CTNNA3: variants seen among roughly 807,000 people sequenced by gnomAD.
CTNNA3 encodes the protein catenin alpha 3, also known as catenin alpha-3.
CTNNA3 carries 76 observed loss-of-function variants against 95.7 expected under a neutral mutation model. That is an observed-to-expected ratio of 0.79 (90% CI 0.66 to 0.96). The LOEUF (loss-of-function observed/expected upper bound fraction) is 0.96. CTNNA3 is among the 40% of genes least tolerant of loss of function. CTNNA3 has a pLI of 0.00. For synonymous variants in CTNNA3, 431 were observed against 374.4 expected (o/e 1.15, Z -1.74); for missense variants, 1,191 against 1,089.8 (o/e 1.09, Z -1.31).
chr10:65,927,169 G>C (rs1444848967), intron 17 of CTNNA3, among the ~76,000 whole-genome samples: 4 of 151,922 alleles, frequency 2.6e-5, no homozygotes, highest in Non-Finnish European at 5.9e-5. Flanking sequence ...TGTTTTCACT[G>C]ATTTTTTAGT....
intron 7 of CTNNA3, among the ~76,000 whole-genome samples, chr10:67,120,894 C>A (rs1859432257): frequency 6.6e-6 from 1 of 152,004 alleles, no homozygotes; most frequent in African/African-American, 2.4e-5. Flanking sequence ...CAATATTGTA[C>A]CATTAACGTA....
intron 17 of CTNNA3, among the ~76,000 whole-genome samples, chr10:65,954,330 G>T (rs1294174862): frequency 6.6e-6 from 1 of 152,180 alleles, no homozygotes; most frequent in African/African-American, 2.4e-5. Flanking sequence ...CTCCCATTCT[G>T]TAGGTTGCCT....
At chr10:66,080,406 C>A (rs141274905) in intron 14 of CTNNA3, among the ~76,000 whole-genome samples, 118 of 152,094 alleles carry the variant, frequency 7.8e-4, no homozygotes, top group African/African-American at 2.8e-3. Flanking sequence ...TTCAAAATCA[C>A]TTATATATGT....
intron 10 of CTNNA3, among the ~76,000 whole-genome samples, chr10:66,604,095 TA>T (rs1207656455): frequency 2.6e-5 from 4 of 151,734 alleles, no homozygotes; most frequent in African/African-American, 4.8e-5. Context: ...CATATCAAGT[TA>T]AAAAAGCTAC....
At chr10:67,127,131 T>C (rs566646244) in intron 7 of CTNNA3, among the ~76,000 whole-genome samples, 56 of 152,328 alleles carry the variant, frequency 3.7e-4, no homozygotes, top group South Asian at 1.9e-3. Flanking sequence ...TTGATGTATT[T>C]TGTACATTTG....
intron 7 of CTNNA3, among the ~76,000 whole-genome samples, chr10:67,152,501 A>C (rs1240303880): frequency 6.6e-6 from 1 of 152,236 alleles, no homozygotes; most frequent in East Asian, 1.9e-4. Flanking sequence ...TAATGCAATT[A>C]GATGAAATGC....
chr10:66,560,028 C>T (rs779158313), intron 10 of CTNNA3, among the ~76,000 whole-genome samples: 1 of 151,922 alleles, frequency 6.6e-6, no homozygotes, highest in Non-Finnish European at 1.5e-5. Context: ...GGAGAGAGGA[C>T]GGGATTGCAT....
At chr10:66,420,157 T>C (rs2093179452) in intron 11 of CTNNA3, among the ~76,000 whole-genome samples, 2 of 152,156 alleles carry the variant, frequency 1.3e-5, no homozygotes, top group South Asian at 4.1e-4. Context: ...ATCCAGAGTA[T>C]ATAAGATACT....
intron 17 of CTNNA3, 49 bp downstream of exon 17, chr10:65,966,563 T>C: frequency 6.5e-7 from 1 of 1,537,844 alleles, no homozygotes; most frequent in South Asian, 1.3e-5. Flanking sequence ...AGTTACTCTG[T>C]TTCAAGCATC....
intron 1 of CTNNA3, among the ~76,000 whole-genome samples, chr10:67,741,891 G>T (rs1013918007): frequency 4.6e-5 from 7 of 151,052 alleles, no homozygotes; most frequent in African/African-American, 1.5e-4. Context: ...AACCAACAAA[G>T]ATCAAAAAAG....
intron 7 of CTNNA3, among the ~76,000 whole-genome samples, chr10:66,859,361 G>T (rs1413807177): frequency 6.6e-6 from 1 of 151,600 alleles, no homozygotes; most frequent in African/African-American, 2.4e-5. Context: ...CGAAGGACAT[G>T]AACAGACACT....
chr10:66,670,438 G>A (rs1404813259), intron 9 of CTNNA3, among the ~76,000 whole-genome samples: 3 of 152,108 alleles, frequency 2.0e-5, no homozygotes, highest in Non-Finnish European at 4.4e-5. Flanking sequence ...TCCAGGGATG[G>A]TTCTTAACTT....
intron 5 of CTNNA3, among the ~76,000 whole-genome samples, chr10:67,510,591 C>T (rs899919565): frequency 2.0e-5 from 3 of 152,026 alleles, no homozygotes; most frequent in African/African-American, 4.8e-5. Flanking sequence ...CTTTTGGTTA[C>T]TGCAGCCTTG....
chr10:66,070,863 T>A (rs1210884688), intron 14 of CTNNA3, among the ~76,000 whole-genome samples: 1 of 152,088 alleles, frequency 6.6e-6, no homozygotes, highest in Non-Finnish European at 1.5e-5. Flanking sequence ...CTTAATAACA[T>A]CTCAACTCAA....
chr10:66,039,051 A>T (rs2079625218), intron 15 of CTNNA3, among the ~76,000 whole-genome samples: 1 of 152,204 alleles, frequency 6.6e-6, no homozygotes, highest in African/African-American at 2.4e-5. Flanking sequence ...GGAAAGTTTC[A>T]GCATATAAAA....
At chr10:67,685,487 C>T (rs917097957) in intron 1 of CTNNA3, among the ~76,000 whole-genome samples, 4 of 152,230 alleles carry the variant, frequency 2.6e-5, no homozygotes, top group South Asian at 2.1e-4. Context: ...AAGGGAGTTC[C>T]TCCTAGGTCT....
intron 1 of CTNNA3, among the ~76,000 whole-genome samples, chr10:67,702,975 C>A (rs1336037526): frequency 6.6e-6 from 1 of 152,096 alleles, no homozygotes; most frequent in Non-Finnish European, 1.5e-5. Flanking sequence ...ATACAAACTA[C>A]CATCAGAGAA....
intron 7 of CTNNA3, among the ~76,000 whole-genome samples, chr10:66,902,155 A>G (rs1845777358): frequency 1.3e-5 from 2 of 152,214 alleles, no homozygotes; most frequent in Non-Finnish European, 2.9e-5. Context: ...AGCAAATGTA[A>G]AAGAACAGAA....
At chr10:67,138,026 A>G (rs1247225245) in intron 7 of CTNNA3, among the ~76,000 whole-genome samples, 2 of 152,108 alleles carry the variant, frequency 1.3e-5, no homozygotes, top group African/African-American at 2.4e-5. Context: ...CCAGGCATGG[A>G]CATTTGCTTA....
Sources: gnomAD v4.1 joint callset for allele counts (sites outside exome capture counted in the v4.1 genomes callset) on GRCh38, gnomAD v4.1.1 for gene constraint, MANE v1.5 for transcripts, NCBI Gene and HGNC (gene_info 2026-07-23, HGNC 2026-07-21) for gene names.